SF3B1: variants seen among roughly 807,000 people sequenced by gnomAD.
The protein encoded by SF3B1 is splicing factor 3b subunit 1, also known as pre-mRNA processing 10.
A neutral mutation model predicts 153.8 loss-of-function variants in SF3B1; 12 were observed. The ratio of observed to expected loss-of-function variants is 0.08; its 90% CI spans 0.05 to 0.13. The LOEUF (loss-of-function observed/expected upper bound fraction) is 0.13. SF3B1 is among the 10% of genes least tolerant of loss of function. The pLI is 1.00. For missense variants in SF3B1, 513 were observed against 1,606.1 expected (o/e 0.32, Z 11.63); for synonymous variants, 498 against 525.2 (o/e 0.95, Z 0.71).
At chr2:197,431,307 A>AG (rs2085432451) in intron 1 of SF3B1, among the ~76,000 whole-genome samples, 1 of 151,710 alleles carries the variant, frequency 6.6e-6, no homozygotes, top group South Asian at 2.1e-4. Context: ...TTTAGTAGAG[A>AG]GGGGGTTTCA....
chr2:197,392,843 G>A (rs1574521234), intron 24 of SF3B1, 129 bp downstream of exon 24: 2 of 633,456 alleles, frequency 3.2e-6, no homozygotes, highest in Non-Finnish European at 5.5e-6. Flanking sequence ...AGGTTGATAG[G>A]TGCAGCAAAC....
At chr2:197,417,717 A>G (rs1178457516) in intron 5 of SF3B1, among the ~76,000 whole-genome samples, 1 of 152,158 alleles carries the variant, frequency 6.6e-6, no homozygotes, top group Non-Finnish European at 1.5e-5. Flanking sequence ...AAATCGCACC[A>G]CTGCACTTCA....
chr2:197,397,421 A>G (rs937449265), intron 22 of SF3B1, among the ~76,000 whole-genome samples: 1 of 152,216 alleles, frequency 6.6e-6, no homozygotes, highest in Non-Finnish European at 1.5e-5. Context: ...TTTTCTGAAA[A>G]TGGTACTGTT....
chr2:197,409,476 C>G (rs1388551689), intron 7 of SF3B1, among the ~76,000 whole-genome samples: 1 of 152,052 alleles, frequency 6.6e-6, no homozygotes, highest in Non-Finnish European at 1.5e-5. Context: ...GTGGGAAGAT[C>G]ACTTGAGCCT....
rs752460446 is a variant in SF3B1, at chr2:197,402,852, G to A, written c.1807-26C>T. On this transcript the variant is annotated intron_variant, in intron 13 of 24. Coordinates refer to ENST00000335508, the MANE Select transcript of SF3B1 (RefSeq NM_012433.4). The surrounding 1 kb of genome is among the most constrained non-coding windows in gnomAD (Gnocchi z 4.6). ...CTAAAATGTAAACAAAGAAAGGACAGTCATGAGTTGGTAATATTAATCTTC... is the reference window on the plus strand; with the variant it reads ...CTAAAATGTAAACAAAGAAAGGACAATCATGAGTTGGTAATATTAATCTTC... 1.2e-6 allele frequency: 2 copies of A among 1,612,362 alleles called. No homozygotes were observed. The highest frequency in any genetic ancestry group is 2.2e-5 in the East Asian group (1 of 44,874).
At chr2:197,405,498 G>A in intron 9 of SF3B1, 26 bp from the exon 10 acceptor site, 1 of 1,528,364 alleles carries the variant, frequency 6.5e-7, no homozygotes, top group Non-Finnish European at 9.0e-7. Flanking sequence ...AGACAGTTTA[G>A]GATTTTCTTA....
chr2:197,415,039 A>G (rs1209566740), intron 6 of SF3B1, among the ~76,000 whole-genome samples: 3 of 151,792 alleles, frequency 2.0e-5, no homozygotes, highest in East Asian at 3.9e-4. Context: ...TTTGTTCTAA[A>G]AAGATATAGA....
Position 197,398,562 on chromosome 2 carries a change from T to C in SF3B1, c.3033A>G (p.Pro1011=), listed in dbSNP as rs1204845718. 1 of 1,613,472 alleles carries C rather than the reference T, an allele frequency of 6.2e-7. No homozygotes were observed. Among genetic ancestry groups the C allele is most frequent in the South Asian group, 1.1e-5 (1 of 91,060 alleles). Residue 1011 remains proline (P), a synonymous_variant, in exon 21 of 25, where the codon CCA becomes CCG. Transcript: ENST00000335508. ...VNVIGMHKMT[P]PIKDLLPRLT... ...GTCTAGGCAGCAGATCTTTAATTGG[T>C]GGAGTCATCTTATGCATACCTATTT...
intron 22 of SF3B1, among the ~76,000 whole-genome samples, chr2:197,397,666 G>T (rs1194596243): frequency 6.6e-6 from 1 of 152,108 alleles, no homozygotes; most frequent in African/African-American, 2.4e-5. Context: ...GCGTGATGGT[G>T]CATGCCTGTA....
Position 197,421,553 on chromosome 2 carries a change from T to C in SF3B1, c.196-420A>G, listed in dbSNP as rs957944680. ...TAGAAACAAATATTTAATTTTAAATTTATTTGCCCCTAGTAGTATGTTTAA... is the reference window on the plus strand; with the variant it reads ...TAGAAACAAATATTTAATTTTAAATCTATTTGCCCCTAGTAGTATGTTTAA... On this transcript the variant is annotated intron_variant, in intron 2 of 24. Coordinates refer to ENST00000335508, the MANE Select transcript of SF3B1 (RefSeq NM_012433.4). 1.1e-4 allele frequency among the ~76,000 whole-genome samples: 17 copies of C among 152,172 alleles called. 1 individual carries two copies. The highest frequency in any genetic ancestry group is 9.2e-4 in the Admixed American group (14 of 15,278).
chr2:197,425,322 C>T (rs893117780), intron 1 of SF3B1, among the ~76,000 whole-genome samples: 2 of 151,948 alleles, frequency 1.3e-5, no homozygotes, highest in South Asian at 2.1e-4. Flanking sequence ...AAAAATTAGC[C>T]GGGCATGGTG....
intron 6 of SF3B1, among the ~76,000 whole-genome samples, chr2:197,412,970 C>CAAAAAA (rs779446735): frequency 2.2e-5 from 1 of 45,484 alleles, no homozygotes; most frequent in Non-Finnish European, 4.9e-5. Flanking sequence ...ACTGTTGTCT[C>CAAAAAA]AAAAAAAAAA....
intron 1 of SF3B1, among the ~76,000 whole-genome samples, chr2:197,425,872 C>T (rs2085327887): frequency 1.3e-5 from 2 of 151,800 alleles, no homozygotes; most frequent in Admixed American, 1.3e-4. Flanking sequence ...TGGTGGCAAA[C>T]CTATAGTCCC....
chr2:197,398,817 C>T (rs2084905204), intron 20 of SF3B1: 1 of 518,988 alleles, frequency 1.9e-6, no homozygotes, highest in Non-Finnish European at 3.5e-6. Flanking sequence ...ATGATGGATA[C>T]TCAATAACAA....
Position 197,423,904 on chromosome 2 carries a change from G to A in SF3B1, c.99C>T (p.Leu33=), listed in dbSNP as rs143444124. The A allele has an allele frequency of 6.2e-6, 10 of 1,612,732 alleles. No individual in the cohort carries two copies. In the African/African-American group the frequency reaches 1.2e-4, roughly 19 times the overall value. Residue 33 remains leucine, a synonymous_variant, in exon 2 of 25, where the codon CTC becomes CTT. Coordinates refer to ENST00000335508, the MANE Select transcript of SF3B1 (RefSeq NM_012433.4). Reference sequence around the variant, plus strand: ...CCTGGTCATAATAACCTGTAGAATCGAGGCCCACTCCTTGAGCTTCATCAA... The same window carrying A: ...CCTGGTCATAATAACCTGTAGAATCAAGGCCCACTCCTTGAGCTTCATCAA... ...AALDEAQGVG[L]DSTGYYDQEI...
rs2106005044 is a variant in SF3B1 at position 197,416,815 on chromosome 2, G to A, written c.592C>T (p.Arg198Trp). 1 of 1,614,092 alleles carries A rather than the reference G, an allele frequency of 6.2e-7. No individual in the cohort carries two copies. The highest frequency in any genetic ancestry group is 1.1e-5 in the South Asian group (1 of 91,076). The change falls in exon 6 of 25, where the codon CGG becomes TGG. Residue 198 changes from arginine (R) to tryptophan (W), a missense_variant. Coordinates refer to ENST00000335508, the MANE Select transcript of SF3B1 (RefSeq NM_012433.4). ...AASQPPSKRK[R>W]RWDQTADQTP... ...TGATCAGCTGTTTGATCCCAACGCC[G>A]TTTTCGTTTTGATGGAGGCTGGGAC...
intron 23 of SF3B1, among the ~76,000 whole-genome samples, chr2:197,395,798 T>C (rs1412432297): frequency 6.6e-6 from 1 of 152,202 alleles, no homozygotes; most frequent in Non-Finnish European, 1.5e-5. Flanking sequence ...TCAACCCTTT[T>C]CAAAATTTAT....
intron 23 of SF3B1, among the ~76,000 whole-genome samples, chr2:197,395,825 G>A (rs971000322): frequency 3.9e-5 from 6 of 152,124 alleles, no homozygotes; most frequent in Non-Finnish European, 7.4e-5. Context: ...CAATAGATAA[G>A]AAAAGAGATT....
At chr2:197,398,220 T>C in intron 21 of SF3B1, 104 bp from the exon 22 acceptor site, 1 of 1,042,912 alleles carries the variant, frequency 9.6e-7, no homozygotes, top group Non-Finnish European at 1.4e-6. Context: ...ATTTTAAGCA[T>C]TAAATAAAAC....
Sources: gnomAD v4.1 joint callset for allele counts (sites outside exome capture counted in the v4.1 genomes callset) on GRCh38, gnomAD v4.1.1 for gene constraint, Gnocchi (gnomAD v3.1) non-coding constraint, MANE v1.5 for transcripts, NCBI Gene and HGNC (gene_info 2026-07-23, HGNC 2026-07-21) for gene names.